Variants in PEMT observed in about 807,000 individuals in gnomAD.
PEMT encodes phospholipid methyltransferase.
PEMT carries 23 observed loss-of-function variants against 27.4 expected under a neutral mutation model. The observed-to-expected ratio is 0.84, with a 90% CI of 0.60 to 1.19. The LOEUF (loss-of-function observed/expected upper bound fraction) is 1.19. PEMT is among the 50% of genes most tolerant of loss of function. The pLI is 0.00. For synonymous variants in PEMT, 137 were observed against 139.1 expected (o/e 0.98, Z 0.11); for missense variants, 307 against 310.1 (o/e 0.99, Z 0.07).
intron 3 of PEMT, among the ~76,000 whole-genome samples, chr17:17,520,103 G>A (rs1333064152): frequency 2.6e-5 from 4 of 152,206 alleles, no homozygotes; most frequent in Admixed American, 2.6e-4. Context: ...GTTCCTGTGG[G>A]GGGACTCCAA....
intron 3 of PEMT, among the ~76,000 whole-genome samples, chr17:17,519,944 T>C (rs1156424389): frequency 6.6e-6 from 1 of 152,184 alleles, no homozygotes; most frequent in Non-Finnish European, 1.5e-5. Context: ...GTGTGCGCTG[T>C]GGGCTGCAGC....
At chr17:17,567,133 C>A (rs1245394824) in intron 2 of PEMT, among the ~76,000 whole-genome samples, 1 of 152,200 alleles carries the variant, frequency 6.6e-6, no homozygotes, top group Non-Finnish European at 1.5e-5. Flanking sequence ...TATGAGGAAC[C>A]TACAGGGAGG....
At chr17:17,580,576 G>A (rs1032160509) in intron 1 of PEMT, among the ~76,000 whole-genome samples, 2 of 152,144 alleles carry the variant, frequency 1.3e-5, no homozygotes, top group Non-Finnish European at 2.9e-5. Context: ...GGGAAGAGTC[G>A]TGGCTTTGGT....
rs1417553414 is a variant in PEMT at position 17,533,921 on chromosome 17, G to A, written c.205-11526C>T. 2.0e-5 allele frequency among the ~76,000 whole-genome samples: 3 copies of A among 152,148 alleles called. No individual in the cohort carries two copies. In the East Asian group the frequency reaches 5.8e-4, roughly 29 times the overall value. ...AATTTTTGTATTTTTAGTAGAGATA[G>A]GGGTTTCAACATGTTGGCTAGGCTG... On this transcript the variant is annotated intron_variant, in intron 2 of 6. Coordinates refer to ENST00000255389, the MANE Select transcript of PEMT (RefSeq NM_148172.3).
At chr17:17,536,345 C>A (rs568320749) in intron 2 of PEMT, among the ~76,000 whole-genome samples, 1 of 152,334 alleles carries the variant, frequency 6.6e-6, no homozygotes, top group South Asian at 2.1e-4. Flanking sequence ...ATTCTGGGGC[C>A]TCCCAACTCT....
intron 5 of PEMT, chr17:17,508,718 G>T (rs4646407): frequency 4.4e-6 from 2 of 457,688 alleles, no homozygotes; most frequent in African/African-American, 2.0e-5. Flanking sequence ...CCTCTGACCC[G>T]CCGGGGGAGC....
intron 2 of PEMT, among the ~76,000 whole-genome samples, chr17:17,538,017 GA>G (rs1229085287): frequency 1.3e-5 from 2 of 152,230 alleles, no homozygotes; most frequent in African/African-American, 4.8e-5. Flanking sequence ...CTCAGGAAGG[GA>G]CAGCTGCTGC....
intron 2 of PEMT, among the ~76,000 whole-genome samples, chr17:17,567,200 C>T (rs1236268373): frequency 6.6e-6 from 1 of 152,246 alleles, no homozygotes; most frequent in African/African-American, 2.4e-5. Flanking sequence ...TGCCAGGCTC[C>T]AGGTGGGAGT....
At chr17:17,548,897 G>A (rs1909448547) in intron 2 of PEMT, among the ~76,000 whole-genome samples, 1 of 152,248 alleles carries the variant, frequency 6.6e-6, no homozygotes. Context: ...AGTGTGTGGA[G>A]GGTGGCAAGT....
intron 2 of PEMT, among the ~76,000 whole-genome samples, chr17:17,568,032 C>T (rs1010350212): frequency 5.3e-5 from 8 of 151,546 alleles, no homozygotes; most frequent in Admixed American, 5.2e-4. Context: ...CACACACACA[C>T]TCACACACAT....
At chr17:17,575,968 A>C (rs1478513755) in intron 2 of PEMT, among the ~76,000 whole-genome samples, 1 of 152,192 alleles carries the variant, frequency 6.6e-6, no homozygotes, top group East Asian at 1.9e-4. Flanking sequence ...CCTTAAATGA[A>C]AACTGTCTGG....
At chr17:17,586,284 GAAAGAAAAA>G (rs1276112937) in intron 1 of PEMT, among the ~76,000 whole-genome samples, 2 of 72,728 alleles carry the variant, frequency 2.7e-5, no homozygotes, top group Admixed American at 1.3e-4. Context: ...AAGAAAGAAA[GAAAGAAAAA>G]AAAAAACGCA....
intron 1 of PEMT, among the ~76,000 whole-genome samples, chr17:17,585,470 C>G (rs1912197058): frequency 6.6e-6 from 1 of 152,180 alleles, no homozygotes; most frequent in Non-Finnish European, 1.5e-5. Flanking sequence ...CTGAGAGAAT[C>G]AAAGCAGTGG....
chr17:17,514,235 A>G (rs1281849842), intron 3 of PEMT, among the ~76,000 whole-genome samples: 1 of 152,204 alleles, frequency 6.6e-6, no homozygotes, highest in Non-Finnish European at 1.5e-5. Flanking sequence ...GGACATACAG[A>G]CATGTCTTTA....
At chr17:17,540,320 C>T (rs917336699) in intron 2 of PEMT, among the ~76,000 whole-genome samples, 3 of 152,238 alleles carry the variant, frequency 2.0e-5, no homozygotes, top group Non-Finnish European at 2.9e-5. Flanking sequence ...ACTCTGCGCT[C>T]TATCCCAGTG....
chr17:17,516,394 G>T (rs558100279), intron 3 of PEMT, among the ~76,000 whole-genome samples: 1 of 151,278 alleles, frequency 6.6e-6, no homozygotes. Context: ...TGAATAACAC[G>T]TCACCTTTCC....
intron 1 of PEMT, among the ~76,000 whole-genome samples, chr17:17,586,345 T>C (rs965551386): frequency 2.7e-5 from 4 of 149,320 alleles, no homozygotes; most frequent in Admixed American, 2.7e-4. Context: ...AGCAGCGCCA[T>C]CCAGTGGCTG....
At chr17:17,562,860 A>G (rs1910585230) in intron 2 of PEMT, among the ~76,000 whole-genome samples, 3 of 151,988 alleles carry the variant, frequency 2.0e-5, no homozygotes, top group African/African-American at 7.2e-5. Context: ...ACCCTTGCCC[A>G]GAGGAGGCCA....
chr17:17,507,146 C>G, intron 5 of PEMT: 4 of 1,556,500 alleles, frequency 2.6e-6, no homozygotes, highest in Non-Finnish European at 3.5e-6. Flanking sequence ...TCAAGCTGTC[C>G]CCCAATCTAT....
Sources: gnomAD v4.1 joint callset for allele counts (sites outside exome capture counted in the v4.1 genomes callset) on GRCh38, gnomAD v4.1.1 for gene constraint, MANE v1.5 for transcripts, NCBI Gene and HGNC (gene_info 2026-07-23, HGNC 2026-07-21) for gene names.